The following TAS2R8 variants were observed in gnomAD, a reference collection of about 807,000 sequenced individuals.
TAS2R8 encodes the protein taste 2 receptor member 8.
For synonymous variants in TAS2R8, 139 were observed against 123.9 expected, an observed-to-expected ratio of 1.12 and a Z score of -0.81; for missense variants, 396 against 358.1, an observed-to-expected ratio of 1.11 and a Z score of -0.85.
In TAS2R8 at chr12:10,806,217, G is replaced by A; in HGVS notation, c.764C>T (p.Thr255Ile). ...GTATTTTGTCATAAGATAGCTAAAG[G>A]TCATCAAAATAGAAGAAATATAGTA... ...FLYYISSILM[T>I]FSYLMTKYKL... is the part of the protein sequence containing the mutation. Residue 255 changes from threonine (T) to isoleucine (I), a missense_variant, in exon 1 of 1, where the codon ACC (threonine) becomes ATC (isoleucine). By Grantham distance (89) the Thr-to-Ile change is moderately conservative. Coordinates refer to ENST00000240615, the MANE Select transcript of TAS2R8 (RefSeq NM_023918.3). 3 of 1,613,208 alleles carry A rather than the reference G, an allele frequency of 1.9e-6. No homozygotes were observed.
Position 10,806,785 on chromosome 12 carries a change from C to T in TAS2R8, c.196G>A (p.Gly66Ser), listed in dbSNP as rs745681726. 1 of 1,613,718 alleles carries T rather than the reference C, an allele frequency of 6.2e-7. No homozygotes were observed. The highest frequency in any genetic ancestry group is 8.5e-7 in the Non-Finnish European group (1 of 1,179,888). Residue 66 changes from glycine (G) to serine (S), a missense_variant, in exon 1 of 1, where the codon GGC becomes AGC. Physicochemically the swap from Gly to Ser is moderately conservative, Grantham distance 56. Coordinates refer to ENST00000240615, the MANE Select transcript of TAS2R8 (RefSeq NM_023918.3). ...TCTGGGTTCAGTACTATTACAATGC[C>T]ATTTACAACCATTACACTGATCAAA... The part of the protein sequence containing the change: ...ICLISVMVVN[G>S]IVIVLNPDVY...
chr12:10,806,065 C>A lies in TAS2R8; in HGVS notation c.916G>T (p.Ala306Ser), dbSNP rs145446947. 489 of 1,591,382 alleles carry A rather than the reference C, an allele frequency of 3.1e-4. 5 individuals carry two copies. In the African/African-American group the frequency reaches 5.7e-3, roughly 19 times the overall value. The change falls in exon 1 of 1, where the codon GCC becomes TCC. Residue 306 changes from alanine (A) to serine (S), a missense_variant. Physicochemically the swap from Ala to Ser is moderately conservative, Grantham distance 99. Transcript: ENST00000240615. ...CAGCTAAGATTTCATATCATGCAGGCAATTTTTCTACATGTCAGCATTCTG... is the reference window on the plus strand; with the variant it reads ...CAGCTAAGATTTCATATCATGCAGGAAATTTTTCTACATGTCAGCATTCTG... ...FVRMLTCRKI[A>S]CMI is the part of the protein sequence containing the mutation.
the TAS2R8 span, chr12:10,806,246 GA>G: frequency 8.7e-6 from 14 of 1,611,824 alleles, no homozygotes; most frequent in African/African-American, 2.7e-5. Flanking sequence ...TATAGTATAG[GA>G]AAAAAAAGAA....
At position 10,806,064 on chromosome 12, in the gene TAS2R8, G is replaced by A; in HGVS notation, c.917C>T (p.Ala306Val). ...FVRMLTCRKI[A>V]CMI ...ACAGCTAAGATTTCATATCATGCAG[G>A]CAATTTTTCTACATGTCAGCATTCT... is the stretch of plus-strand genomic sequence containing the variant. Residue 306 changes from alanine (A) to valine (V), a missense_variant, in exon 1 of 1, where the codon GCC becomes GTC. Ala to Val is a moderately conservative substitution (Grantham distance 64). Transcript: ENST00000240615. The A allele has an allele frequency of 6.3e-7, 1 of 1,590,206 alleles. No individual in the cohort carries two copies. The highest frequency in any genetic ancestry group is 8.5e-7 in the Non-Finnish European group (1 of 1,171,664).
rs2135714864 is a variant in TAS2R8 at position 10,807,164 on chromosome 12, C to T, written c.-184G>A. ...CCTCTGAAATAGGATTGTCTCTACACTCCTGAAGATGAAACCAACTAATGA... is the reference window on the plus strand; with the variant it reads ...CCTCTGAAATAGGATTGTCTCTACATTCCTGAAGATGAAACCAACTAATGA... On this transcript the variant is annotated 5_prime_UTR_variant, in exon 1 of 1. The change creates a new upstream start codon in the 5' untranslated region. Coordinates refer to ENST00000240615, the MANE Select transcript of TAS2R8 (RefSeq NM_023918.3). 1.8e-6 allele frequency: 1 copy of T among 552,192 alleles called. No individual in the cohort carries two copies. The highest frequency in any genetic ancestry group is 3.0e-5 in the East Asian group (1 of 33,632). 34.2% of individuals were successfully genotyped at this position (552,192 alleles called of 1,614,324 possible).
chr12:10,806,296 C>A lies in TAS2R8; in HGVS notation c.685G>T (p.Val229Phe), dbSNP rs762854911. Reference sequence around the variant, plus strand: ...ATAGTTTTAATGGCTCTCACATGAACTTCTGTGCTGGGGTCTCTACTGCCG... The same window carrying A: ...ATAGTTTTAATGGCTCTCACATGAAATTCTGTGCTGGGGTCTCTACTGCCG... ...ATGSRDPSTE[V>F]HVRAIKTMTS... The change falls in exon 1 of 1, where the codon GTT becomes TTT. Residue 229 changes from valine to phenylalanine, a missense_variant. Physicochemically the swap from Val to Phe is conservative, Grantham distance 50. Coordinates refer to ENST00000240615, the MANE Select transcript of TAS2R8 (RefSeq NM_023918.3). The A allele has an allele frequency of 6.2e-6, 10 of 1,613,630 alleles. No individual in the cohort carries two copies. In the Admixed American group the frequency reaches 1.5e-4, roughly 24 times the overall value.
At position 10,806,817 on chromosome 12, in the gene TAS2R8, C is replaced by A. The variant is rs142540719; in HGVS notation, c.164G>T (p.Arg55Ile). ...AACCATTACACTGATCAAACAAATT[C>A]TGGCGATAACTAAATTGGTAAGGAT... ...DYILTNLVIARICLISVMVVN... is the reference protein window; with the variant it reads ...DYILTNLVIAIICLISVMVVN... Residue 55 changes from arginine to isoleucine, a missense_variant, in exon 1 of 1, where the codon AGA (arginine) becomes ATA (isoleucine). Coordinates refer to ENST00000240615, the MANE Select transcript of TAS2R8 (RefSeq NM_023918.3). 7,598 of 1,613,854 alleles carry A rather than the reference C, an allele frequency of 4.7e-3. 33 individuals carry two copies. The highest frequency in any genetic ancestry group is 9.7e-3 in the South Asian group (888 of 91,078).
chr12:10,806,548 TG>T, the TAS2R8 span: 1 of 1,613,916 alleles, frequency 6.2e-7, no homozygotes, highest in Non-Finnish European at 8.5e-7. Context: ...GCTATAAGGC[TG>T]ACCAACAAGG....
In TAS2R8 at chr12:10,806,661, T is replaced by C. The variant is rs764442008; in HGVS notation, c.320A>G (p.Tyr107Cys). ...AGAGGAACTGGCTATCTTCAGAAAA[T>C]AGAAGACATTAAGGCAGGTGGTAAT... ...MWITTCLNVF[Y>C]FLKIASSSHP... The change falls in exon 1 of 1, where the codon TAT (tyrosine) becomes TGT (cysteine). Residue 107 changes from tyrosine to cysteine, a missense_variant. Transcript: ENST00000240615. The C allele has an allele frequency of 1.2e-5, 19 of 1,613,880 alleles. No homozygotes were observed. In the South Asian group the frequency reaches 1.9e-4, roughly 16 times the overall value.
rs1362444719 is a variant in TAS2R8, at chr12:10,806,608, T to G, written c.373A>C (p.Lys125Gln). ...SHPLFLWLKW[K>Q]IDMVVHWILL... ...ATCCAGTGCACCACCATATCAATTTTCCACTTCAGCCAGAGAAAAAGTGGA... is the reference window on the plus strand; with the variant it reads ...ATCCAGTGCACCACCATATCAATTTGCCACTTCAGCCAGAGAAAAAGTGGA... The change falls in exon 1 of 1, where the codon AAA (lysine) becomes CAA (glutamine). Residue 125 changes from lysine to glutamine, a missense_variant. Physicochemically the swap from Lys to Gln is moderately conservative, Grantham distance 53. Coordinates refer to ENST00000240615, the MANE Select transcript of TAS2R8 (RefSeq NM_023918.3). The G allele has an allele frequency of 1.2e-6, 2 of 1,613,808 alleles. No homozygotes were observed. Among genetic ancestry groups the G allele is most frequent in the Admixed American group, 1.7e-5 (1 of 59,926 alleles).
Position 10,807,152 on chromosome 12 carries a change from A to G in TAS2R8, c.-172T>C. The stretch of plus-strand genomic sequence containing the variant: ...GTGTTCAGCTCTCCTCTGAAATAGG[A>G]TTGTCTCTACACTCCTGAAGATGAA... On this transcript the variant is annotated 5_prime_UTR_variant, in exon 1 of 1. Transcript: ENST00000240615. 3.3e-6 allele frequency: 2 copies of G among 608,132 alleles called. No individual in the cohort carries two copies. 37.7% of individuals were successfully genotyped at this position (608,132 alleles called of 1,614,324 possible). A position where few individuals can be genotyped will look rare whatever the true frequency, so the allele number is the denominator to read the frequency against.
rs776255166 is a variant in TAS2R8, at chr12:10,806,264, T to G, written c.717A>C (p.Ser239=). The change falls in exon 1 of 1, where the codon TCA becomes TCC. Residue 239 remains serine, a synonymous_variant. Coordinates refer to ENST00000240615, the MANE Select transcript of TAS2R8 (RefSeq NM_023918.3). ...VHVRAIKTMT[S]FIFFFFLYYI... Reference sequence around the variant, plus strand: ...AGTATAGGAAAAAAAAGAAGATAAATGAAGTCATAGTTTTAATGGCTCTCA... The same window carrying G: ...AGTATAGGAAAAAAAAGAAGATAAAGGAAGTCATAGTTTTAATGGCTCTCA... 5.6e-6 allele frequency: 9 copies of G among 1,613,324 alleles called. No individual in the cohort carries two copies. The Admixed American group carries it at 8.4e-5, about 15-fold the overall frequency.
chr12:10,806,543 A>G lies in TAS2R8; in HGVS notation c.438T>C (p.Leu146=). 3 of 1,613,906 alleles carry G rather than the reference A, an allele frequency of 1.9e-6. No individual in the cohort carries two copies. The highest frequency in any genetic ancestry group is 2.5e-6 in the Non-Finnish European group (3 of 1,179,912). ...GCFAISLLVS[L]IAAIVLSCDY... ...CACAACTCAGTACTATTGCTGCTAT[A>G]AGGCTGACCAACAAGGAAATGGCAA... is the stretch of plus-strand genomic sequence containing the variant. Residue 146 remains leucine, a synonymous_variant, in exon 1 of 1, where the codon CTT becomes CTC. Transcript: ENST00000240615.
At position 10,806,208 on chromosome 12, in the gene TAS2R8, T is replaced by C. The variant is rs1948721477; in HGVS notation, c.773A>G (p.Tyr258Cys). 1 of 1,613,226 alleles carries C rather than the reference T, an allele frequency of 6.2e-7. No homozygotes were observed. The highest frequency in any genetic ancestry group is 1.1e-5 in the South Asian group (1 of 90,970). The change falls in exon 1 of 1, where the codon TAT becomes TGT. Residue 258 changes from tyrosine (Y) to cysteine (C), a missense_variant. Tyr to Cys is a radical substitution (Grantham distance 194). Coordinates refer to ENST00000240615, the MANE Select transcript of TAS2R8 (RefSeq NM_023918.3). ...YISSILMTFS[Y>C]LMTKYKLAVE... ...AGCTAACTTGTATTTTGTCATAAGA[T>C]AGCTAAAGGTCATCAAAATAGAAGA...
chr12:10,807,141 T>C lies in TAS2R8; in HGVS notation c.-161A>G. 1 of 632,894 alleles carries C rather than the reference T, an allele frequency of 1.6e-6. No individual in the cohort carries two copies. Among genetic ancestry groups the C allele is most frequent in the Non-Finnish European group, 2.7e-6 (1 of 376,924 alleles). 39.2% of individuals were successfully genotyped at this position (632,894 alleles called of 1,614,324 possible). On this transcript the variant is annotated 5_prime_UTR_variant, in exon 1 of 1. Coordinates refer to ENST00000240615, the MANE Select transcript of TAS2R8 (RefSeq NM_023918.3). ...TTCTTCCGGAAGTGTTCAGCTCTCCTCTGAAATAGGATTGTCTCTACACTC... is the reference window on the plus strand; with the variant it reads ...TTCTTCCGGAAGTGTTCAGCTCTCCCCTGAAATAGGATTGTCTCTACACTC...
rs1948729893 is a variant in TAS2R8, at chr12:10,806,874, A to C, written c.107T>G (p.Ile36Ser). The C allele has an allele frequency of 1.9e-6, 3 of 1,613,348 alleles. No individual in the cohort carries two copies. The highest frequency in any genetic ancestry group is 2.5e-6 in the Non-Finnish European group (3 of 1,179,842). The stretch of plus-strand genomic sequence containing the variant: ...AACTGTGGAAATCTTTTTCTTCTTA[A>C]TCCAGTCAATCCAGTTGACTAGTGC... ...YIALVNWIDW[I>S]KKKKISTVDY... Residue 36 changes from isoleucine (I) to serine (S), a missense_variant, in exon 1 of 1, where the codon ATT becomes AGT. Coordinates refer to ENST00000240615, the MANE Select transcript of TAS2R8 (RefSeq NM_023918.3).
chr12:10,806,538 G>T lies in TAS2R8; in HGVS notation c.443C>A (p.Ala148Glu). The change falls in exon 1 of 1, where the codon GCA becomes GAA. Residue 148 changes from alanine to glutamate, a missense_variant. Ala to Glu is a moderately radical substitution (Grantham distance 107). Transcript: ENST00000240615. ...ATAATCACAACTCAGTACTATTGCT[G>T]CTATAAGGCTGACCAACAAGGAAAT... ...FAISLLVSLI[A>E]AIVLSCDYRF... is the part of the protein sequence containing the mutation. The T allele has an allele frequency of 1.2e-6, 2 of 1,613,850 alleles. No homozygotes were observed. The highest frequency in any genetic ancestry group is 2.2e-5 in the South Asian group (2 of 91,066).
At position 10,806,321 on chromosome 12, in the gene TAS2R8, G is replaced by C; in HGVS notation, c.660C>G (p.Thr220=). 1.2e-6 allele frequency: 2 copies of C among 1,613,642 alleles called. No individual in the cohort carries two copies. The highest frequency in any genetic ancestry group is 1.7e-6 in the Non-Finnish European group (2 of 1,179,892). The change falls in exon 1 of 1, where the codon ACC becomes ACG. Residue 220 remains threonine (T), a synonymous_variant. Transcript: ENST00000240615. ...RHTKQIKLYA[T]GSRDPSTEVH... Reference sequence around the variant, plus strand: ...CTTCTGTGCTGGGGTCTCTACTGCCGGTAGCATAGAGTTTTATTTGCTTGG... The same window carrying C: ...CTTCTGTGCTGGGGTCTCTACTGCCCGTAGCATAGAGTTTTATTTGCTTGG...
At chr12:10,806,911 TC>T in the TAS2R8 span, 1 of 1,612,626 alleles carries the variant, frequency 6.2e-7, no homozygotes, top group South Asian at 1.1e-5. Flanking sequence ...ATGTATCCAT[TC>T]CCCAATATTC....
Sources: allele counts gnomAD v4.1 joint callset, GRCh38; gene constraint gnomAD v4.1.1; transcripts MANE v1.5; gene names NCBI Gene and HGNC (gene_info 2026-07-23, HGNC 2026-07-21).